WASHC4: variants seen among roughly 807,000 people sequenced by gnomAD.
The protein encoded by WASHC4 is WASH complex subunit 4.
Under a neutral mutation model 166.6 loss-of-function variants are expected in WASHC4, and 86 were observed. The observed-to-expected ratio is 0.52, with a 90% CI of 0.43 to 0.62. WASHC4 has a LOEUF of 0.62. Among genes scored for constraint, WASHC4 ranks in the 20% least tolerant of loss-of-function variants. The probability of loss-of-function intolerance (pLI) is 0.00; values close to 1 mark genes in which losing one functional copy is unlikely to be tolerated. For synonymous variants in WASHC4, 446 were observed against 451.6 expected, an observed-to-expected ratio of 0.99 and a Z score of 0.16; for missense variants, 1,262 against 1,382.4, an observed-to-expected ratio of 0.91 and a Z score of 1.38.
At chr12:105,115,018 TTACTC>T (rs1319887132) in intron 4 of WASHC4, among the ~76,000 whole-genome samples, 161 bp from the exon 5 acceptor site, 2 of 152,000 alleles carry the variant, frequency 1.3e-5, no homozygotes, top group Non-Finnish European at 2.9e-5. Flanking sequence ...AATATTTTTG[TTACTC>T]TAAAGATGAA....
intron 22 of WASHC4, among the ~76,000 whole-genome samples, chr12:105,145,400 C>T (rs1477395796): frequency 6.6e-6 from 1 of 151,770 alleles, no homozygotes; most frequent in Non-Finnish European, 1.5e-5. Context: ...AGATAATTTG[C>T]GTGGAGTTCT....
intron 28 of WASHC4, among the ~76,000 whole-genome samples, chr12:105,159,045 C>T (rs569501420): frequency 6.6e-6 from 1 of 152,294 alleles, no homozygotes; most frequent in Admixed American, 6.5e-5. Context: ...AGCTTAAGCT[C>T]TTTGCCAGAT....
intron 1 of WASHC4, among the ~76,000 whole-genome samples, chr12:105,109,497 C>G (rs1323445844): frequency 1.3e-5 from 2 of 152,130 alleles, no homozygotes; most frequent in African/African-American, 4.8e-5. Flanking sequence ...GTTCTTATCT[C>G]AACTTTTGTT....
chr12:105,130,774 A>G (rs528919102), intron 13 of WASHC4, among the ~76,000 whole-genome samples: 2 of 152,330 alleles, frequency 1.3e-5, no homozygotes, highest in South Asian at 2.1e-4. Context: ...CTGGGGTCCA[A>G]GGTTTGTGGA....
chr12:105,120,518 G>A (rs1418156035), intron 7 of WASHC4, 37 bp from the exon 8 acceptor site: 7 of 1,277,246 alleles, frequency 5.5e-6, no homozygotes, highest in Non-Finnish European at 8.0e-6. Flanking sequence ...ATGACAAAAA[G>A]GAAGTTTTTT....
chr12:105,144,244 A>T (rs767076706), intron 20 of WASHC4, 43 bp from the exon 21 acceptor site: 1 of 1,513,144 alleles, frequency 6.6e-7, no homozygotes, highest in South Asian at 1.1e-5. Context: ...TACAATTGCA[A>T]TATCATTTTG....
At position 105,144,797 on chromosome 12, in the gene WASHC4, G is replaced by A; in HGVS notation, c.2259G>A (p.Glu753=). The A allele has an allele frequency of 1.2e-6, 2 of 1,612,958 alleles. No homozygotes were observed. Among genetic ancestry groups the A allele is most frequent in the Non-Finnish European group, 1.7e-6 (2 of 1,179,372 alleles). Reference sequence around the variant, plus strand: ...TTCATGACTGGGCCACTTATAGTGAGATGAGAAACTTAGCTACTCAGCGTT... The same window carrying A: ...TTCATGACTGGGCCACTTATAGTGAAATGAGAAACTTAGCTACTCAGCGTT... ...VALHDWATYS[E]MRNLATQRYG... The change falls in exon 22 of 33, where the codon GAG becomes GAA. Residue 753 remains glutamate, a synonymous_variant. Transcript: ENST00000332180.
rs11306074 is a variant in WASHC4, at chr12:105,142,018, ATT to A, written c.1788-424_1788-423del. Reference sequence around the variant, plus strand: ...TTTTTTTGGGGCGGGGGGGGTCACAATTTTTTTTTTTTAAAAGATTTTTCTTT... The same window carrying A: ...TTTTTTTGGGGCGGGGGGGGTCACAATTTTTTTTTTAAAAGATTTTTCTTT... On this transcript the variant is annotated intron_variant, in intron 18 of 32. Transcript: ENST00000332180. Among the ~76,000 whole-genome samples the A allele has an allele frequency of 1.4e-4, 20 of 143,440 alleles. No individual in the cohort carries two copies. In the South Asian group the frequency reaches 1.5e-3, roughly 11 times the overall value. The allele number at this position is 143,440 out of a possible 152,430, so 94.1% of individuals were successfully genotyped here. A position where few individuals can be genotyped will look rare whatever the true frequency, so the allele number is the denominator to read the frequency against.
In WASHC4 at chr12:105,156,708, T is replaced by G; in HGVS notation, c.2759-18T>G. On this transcript the variant is annotated intron_variant, in intron 26 of 32. Transcript: ENST00000332180. Reference sequence around the variant, plus strand: ...AGTTATTTATATAAATATCTGATTTTTTTGTGTGGTTTTTAAGGTAATGCT... The same window carrying G: ...AGTTATTTATATAAATATCTGATTTGTTTGTGTGGTTTTTAAGGTAATGCT... 6.3e-7 allele frequency: 1 copy of G among 1,586,770 alleles called. No individual in the cohort carries two copies. The highest frequency in any genetic ancestry group is 1.3e-5 in the African/African-American group (1 of 74,488).
Position 105,152,450 on chromosome 12 carries a change from T to G in WASHC4, c.2757T>G (p.Ile919Met). ...AATTCAGGCAACTCATCAGCCAGAT[T>G]GGTAAGTTATGATAAAAGTGTTGGG... ...LDQFRQLISQ[I>M]GNAMGYVRMI... The change falls in exon 26 of 33, where the codon ATT becomes ATG. Residue 919 changes from isoleucine (I) to methionine (M), a missense_variant and splice_region_variant. Ile to Met is a conservative substitution (Grantham distance 10). Transcript: ENST00000332180. 1 of 1,507,664 alleles carries G rather than the reference T, an allele frequency of 6.6e-7. No homozygotes were observed. Among genetic ancestry groups the G allele is most frequent in the South Asian group, 1.1e-5 (1 of 88,740 alleles). The allele number at this position is 1,507,664 out of a possible 1,614,324, so 93.4% of individuals were successfully genotyped here.
intron 10 of WASHC4, among the ~76,000 whole-genome samples, chr12:105,124,222 C>T (rs1220124307): frequency 6.7e-6 from 1 of 150,214 alleles, no homozygotes; most frequent in Non-Finnish European, 1.5e-5. Context: ...CGGGTTCAAG[C>T]AATTCTCCTG....
At chr12:105,166,045 G>T (rs1592927601) in intron 32 of WASHC4, among the ~76,000 whole-genome samples, 1 of 152,150 alleles carries the variant, frequency 6.6e-6, no homozygotes. Context: ...AAAACTCTGC[G>T]GGGCGATTGG....
At chr12:105,113,590 C>T (rs1879893870) in intron 2 of WASHC4, among the ~76,000 whole-genome samples, 1 of 151,968 alleles carries the variant, frequency 6.6e-6, no homozygotes, top group African/African-American at 2.4e-5. Context: ...ACAAAAATTA[C>T]AACCTAATGA....
rs931826611 is a variant in WASHC4, at chr12:105,118,443, C to T, written c.436-3C>T. 3.7e-6 allele frequency: 6 copies of T among 1,608,598 alleles called. No individual in the cohort carries two copies. Among genetic ancestry groups the T allele is most frequent in the Non-Finnish European group, 5.1e-6 (6 of 1,174,944 alleles). On this transcript the variant is annotated splice_region_variant and splice_polypyrimidine_tract_variant and intron_variant, in intron 6 of 32. Coordinates refer to ENST00000332180, the MANE Select transcript of WASHC4 (RefSeq NM_015275.3). Reference sequence around the variant, plus strand: ...ATAATATATACCCACCTTCTCGTTTCAGGAACTGTCTTGCTTTGTTACGAG... The same window carrying T: ...ATAATATATACCCACCTTCTCGTTTTAGGAACTGTCTTGCTTTGTTACGAG...
chr12:105,119,121 A>C (rs915607812), intron 7 of WASHC4, among the ~76,000 whole-genome samples: 14 of 152,194 alleles, frequency 9.2e-5, no homozygotes, highest in Admixed American at 2.6e-4. Context: ...CTCCATCCAG[A>C]AAACAGAAAG....
At chr12:105,159,295 A>G (rs1413773067) in intron 28 of WASHC4, among the ~76,000 whole-genome samples, 1 of 152,230 alleles carries the variant, frequency 6.6e-6, no homozygotes, top group Non-Finnish European at 1.5e-5. Flanking sequence ...TGGAAGATCC[A>G]GATTGGTGCA....
At chr12:105,154,537 A>G (rs1439737223) in intron 26 of WASHC4, among the ~76,000 whole-genome samples, 1 of 152,216 alleles carries the variant, frequency 6.6e-6, no homozygotes, top group Non-Finnish European at 1.5e-5. Flanking sequence ...AACTCACGTG[A>G]ATCTTACCAC....
At chr12:105,139,425 G>GTGTGTGTGTGTGTGTATATATATATA in intron 15 of WASHC4, among the ~76,000 whole-genome samples, 55 of 103,208 alleles carry the variant, frequency 5.3e-4, no homozygotes, top group Non-Finnish European at 7.7e-4. Flanking sequence ...ATGTGTGTGT[G>GTGTGTGTGTGTGTGTATATATATATA]TATATATATA....
At chr12:105,133,420 C>T (rs189720504) in intron 13 of WASHC4, among the ~76,000 whole-genome samples, 127 of 152,170 alleles carry the variant, frequency 8.3e-4, no homozygotes, top group Non-Finnish European at 1.5e-5. Context: ...ATCCTTTTTC[C>T]CCTGCTTTTA....
Sources: allele counts gnomAD v4.1 joint callset (sites outside exome capture counted in the v4.1 genomes callset), GRCh38; gene constraint gnomAD v4.1.1; transcripts MANE v1.5; gene names NCBI Gene and HGNC (gene_info 2026-07-23, HGNC 2026-07-21).